CHSY1: variants seen among roughly 807,000 people sequenced by gnomAD.
CHSY1 encodes the protein N-acetylgalactosaminyl-proteoglycan 3-beta-glucuronosyltransferase 1.
Under a neutral mutation model 59.8 loss-of-function variants are expected in CHSY1, and 13 were observed. That is an observed-to-expected ratio of 0.22 (90% CI 0.14 to 0.35). The LOEUF is 0.35. Among genes scored for constraint, CHSY1 ranks in the 10% least tolerant of loss-of-function variants. CHSY1 has a pLI of 1.00. For missense variants in CHSY1, 947 were observed against 1,030.6 expected (o/e 0.92, Z 1.11); for synonymous variants, 459 against 401.2 (o/e 1.14, Z -1.72).
intron 2 of CHSY1, among the ~76,000 whole-genome samples, chr15:101,216,824 A>T (rs1310407033): frequency 6.6e-6 from 1 of 152,218 alleles, no homozygotes; most frequent in South Asian, 2.1e-4. Flanking sequence ...ATAACACTGC[A>T]TTTGTCAAAA....
At position 101,199,154 on chromosome 15, in the gene CHSY1, G is replaced by C. The variant is rs556693514; in HGVS notation, c.817-20174C>G. 2.0e-5 allele frequency among the ~76,000 whole-genome samples: 3 copies of C among 152,226 alleles called. No individual in the cohort carries two copies. In the South Asian group the frequency reaches 6.2e-4, roughly 32 times the overall value. On this transcript the variant is annotated intron_variant, in intron 2 of 2. Transcript: ENST00000254190. ...GACACCAAGACACTCTGTTACATTTGTGGACACTGCGCCTCCAGCTTCCTA... is the reference window on the plus strand; with the variant it reads ...GACACCAAGACACTCTGTTACATTTCTGGACACTGCGCCTCCAGCTTCCTA...
At chr15:101,190,960 C>T (rs761302037) in intron 2 of CHSY1, among the ~76,000 whole-genome samples, 7 of 152,172 alleles carry the variant, frequency 4.6e-5, no homozygotes, top group Non-Finnish European at 8.8e-5. Flanking sequence ...GACTCTCGCT[C>T]ACTGCCGGGG....
At chr15:101,234,665 G>A (rs2038922682) in intron 2 of CHSY1, among the ~76,000 whole-genome samples, 2 of 152,150 alleles carry the variant, frequency 1.3e-5, no homozygotes, top group African/African-American at 4.8e-5. Flanking sequence ...TCAAGAGTTC[G>A]AGACCAGCCT....
chr15:101,183,671 G>A (rs2038311177), intron 2 of CHSY1, among the ~76,000 whole-genome samples: 1 of 152,224 alleles, frequency 6.6e-6, no homozygotes, highest in South Asian at 2.1e-4. Context: ...GACCATGCAA[G>A]GAGGCACCAC....
intron 2 of CHSY1, chr15:101,187,940 C>G (rs2038391563): frequency 1.3e-6 from 1 of 798,980 alleles, no homozygotes; most frequent in South Asian, 5.7e-5. Context: ...AACTTCTAGC[C>G]CAGCTGGGAA....
chr15:101,230,479 A>T (rs2038882532), intron 2 of CHSY1, among the ~76,000 whole-genome samples: 1 of 152,206 alleles, frequency 6.6e-6, no homozygotes, highest in South Asian at 2.1e-4. Context: ...TCCTGATTTG[A>T]TCCTTATACA....
rs2038229304 is a variant in CHSY1, at chr15:101,178,507, T to A, written c.1290A>T (p.Lys430Asn). 4 of 1,614,128 alleles carry A rather than the reference T, an allele frequency of 2.5e-6. No individual in the cohort carries two copies. In the African/African-American group the frequency reaches 5.3e-5, roughly 22 times the overall value. Residue 430 changes from lysine (K) to asparagine (N), a missense_variant, in exon 3 of 3, where the codon AAA becomes AAT. By Grantham distance (94) the Lys-to-Asn change is moderately conservative. Coordinates refer to ENST00000254190, the MANE Select transcript of CHSY1 (RefSeq NM_014918.5). ...CCCGGCGGTAGCCGTACTGGATCTC[T>A]TTGAAGTCAATGATGCGCCCTCTGG... ...AKTRGRIIDF[K>N]EIQYGYRRVN... is the part of the protein sequence containing the mutation.
At position 101,178,344 on chromosome 15, in the gene CHSY1, G is replaced by A; in HGVS notation, c.1453C>T (p.His485Tyr). The A allele has an allele frequency of 1.9e-6, 3 of 1,607,880 alleles. No individual in the cohort carries two copies. Among genetic ancestry groups the A allele is most frequent in the Non-Finnish European group, 2.6e-6 (3 of 1,175,006 alleles). ...AACTCTTGTGCATCCAGCTCCTCAT[G>A]CTCCACAAACTGGATTTTGCTGAAA... ...QTFSKIQFVE[H>Y]EELDAQELAK... Residue 485 changes from histidine (H) to tyrosine (Y), a missense_variant, in exon 3 of 3, where the codon CAT (histidine) becomes TAT (tyrosine). Coordinates refer to ENST00000254190, the MANE Select transcript of CHSY1 (RefSeq NM_014918.5).
chr15:101,248,853 C>G (rs2039076970), intron 1 of CHSY1, among the ~76,000 whole-genome samples: 1 of 152,028 alleles, frequency 6.6e-6, no homozygotes, highest in South Asian at 2.1e-4. Flanking sequence ...GTGACGCAAT[C>G]TCGGGTCACA....
intron 2 of CHSY1, among the ~76,000 whole-genome samples, chr15:101,234,103 A>T (rs1172065943): frequency 6.6e-6 from 1 of 152,216 alleles, no homozygotes; most frequent in Non-Finnish European, 1.5e-5. Context: ...GAAAGTCCAA[A>T]GCCAGTCCAT....
chr15:101,196,950 C>T (rs2038514431), intron 2 of CHSY1, among the ~76,000 whole-genome samples: 1 of 152,214 alleles, frequency 6.6e-6, no homozygotes, highest in Admixed American at 6.5e-5. Context: ...CTGGTACATT[C>T]CTAGAACAAA....
intron 2 of CHSY1, among the ~76,000 whole-genome samples, chr15:101,218,761 A>T (rs2038759846): frequency 6.6e-6 from 1 of 152,216 alleles, no homozygotes; most frequent in Non-Finnish European, 1.5e-5. Context: ...CCTCAAAAAC[A>T]AACCCCTCTA....
At chr15:101,249,504 G>A (rs2039085307) in intron 1 of CHSY1, among the ~76,000 whole-genome samples, 1 of 139,348 alleles carries the variant, frequency 7.2e-6, no homozygotes, top group African/African-American at 2.8e-5. Flanking sequence ...TCGATCGATA[G>A]ATAGAATTTT....
At chr15:101,218,770 T>G (rs1422780023) in intron 2 of CHSY1, among the ~76,000 whole-genome samples, 1 of 152,150 alleles carries the variant, frequency 6.6e-6, no homozygotes, top group Non-Finnish European at 1.5e-5. Flanking sequence ...CAAACCCCTC[T>G]ATGAGGCCCA....
At chr15:101,206,842 T>G (rs1450670984) in intron 2 of CHSY1, among the ~76,000 whole-genome samples, 1 of 152,218 alleles carries the variant, frequency 6.6e-6, no homozygotes. Flanking sequence ...CTTTTCTCAT[T>G]TTTAATCATA....
intron 2 of CHSY1, among the ~76,000 whole-genome samples, chr15:101,220,214 T>C (rs569270770): frequency 1.3e-5 from 2 of 152,302 alleles, no homozygotes; most frequent in East Asian, 1.9e-4. Flanking sequence ...TCCTATTTCA[T>C]TGGCCTCCCT....
intron 2 of CHSY1, among the ~76,000 whole-genome samples, chr15:101,216,638 A>G (rs766894100): frequency 5.1e-4 from 77 of 152,224 alleles, no homozygotes; most frequent in Non-Finnish European, 7.8e-4. Context: ...AGAGCTATGT[A>G]TGGTATGATT....
Position 101,251,418 on chromosome 15 carries a change from C to T in CHSY1, c.39G>A (p.Leu13=), listed in dbSNP as rs764100516. 1.8e-3 allele frequency: 1,997 copies of T among 1,131,500 alleles called. 10 individuals are homozygous for T. The highest frequency in any genetic ancestry group is 1.9e-3 in the Non-Finnish European group (1,740 of 906,990). The allele number at this position is 1,131,500 out of a possible 1,614,324, so 70.1% of individuals were successfully genotyped here. The change falls in exon 1 of 3, where the codon CTG becomes CTA. Residue 13 remains leucine, a synonymous_variant. Transcript: ENST00000254190. ...GCACGAAGCCCAGGACGAGCCCGAGCAGCACGCTGAGCCAGGCGCGCCGGC... is the reference window on the plus strand; with the variant it reads ...GCACGAAGCCCAGGACGAGCCCGAGTAGCACGCTGAGCCAGGCGCGCCGGC... ...ARGRRAWLSV[L]LGLVLGFVLA...
chr15:101,189,856 G>A (rs1567089866), intron 2 of CHSY1, among the ~76,000 whole-genome samples: 1 of 152,266 alleles, frequency 6.6e-6, no homozygotes, highest in Non-Finnish European at 1.5e-5. Flanking sequence ...CCTGGTGAGT[G>A]GGGACAGCAC....
Sources: gnomAD v4.1 joint callset for allele counts (sites outside exome capture counted in the v4.1 genomes callset) on GRCh38, gnomAD v4.1.1 for gene constraint, MANE v1.5 for transcripts, NCBI Gene and HGNC (gene_info 2026-07-23, HGNC 2026-07-21) for gene names.